CDH12: variants seen among roughly 807,000 people sequenced by gnomAD.
The protein encoded by CDH12 is cadherin-12.
A neutral mutation model predicts 74.1 loss-of-function variants in CDH12; 41 were observed. That is an observed-to-expected ratio of 0.55 (90% CI 0.43 to 0.72). The LOEUF is 0.72. CDH12 is among the 30% of genes least tolerant of loss of function. The pLI, the probability that CDH12 is intolerant of heterozygous loss-of-function variation, is 0.00. For synonymous variants in CDH12, 399 were observed against 355.0 expected (o/e 1.12, Z -1.39); for missense variants, 945 against 977.2 (o/e 0.97, Z 0.44).
intron 4 of CDH12, among the ~76,000 whole-genome samples, chr5:22,119,614 T>C (rs1745385945): frequency 6.6e-6 from 1 of 152,088 alleles, no homozygotes; most frequent in Non-Finnish European, 1.5e-5. Context: ...TAAGATGCAT[T>C]GGAAGGAAGG....
At chr5:21,851,567 A>G (rs1750470638) in intron 7 of CDH12, among the ~76,000 whole-genome samples, 1 of 151,164 alleles carries the variant, frequency 6.6e-6, no homozygotes, top group African/African-American at 2.4e-5. Flanking sequence ...TTGTAGCTAC[A>G]TTTTGAGTGT....
intron 3 of CDH12, among the ~76,000 whole-genome samples, chr5:22,390,498 T>A (rs1225938016): frequency 2.0e-5 from 3 of 152,020 alleles, no homozygotes; most frequent in African/African-American, 7.2e-5. Flanking sequence ...TATAAGCATC[T>A]CACTTCCAAA....
intron 2 of CDH12, among the ~76,000 whole-genome samples, chr5:22,410,935 A>G (rs982608595): frequency 6.6e-6 from 1 of 152,056 alleles, no homozygotes; most frequent in African/African-American, 2.4e-5. Flanking sequence ...CAAGATTATG[A>G]GAACAATGAA....
intron 8 of CDH12, among the ~76,000 whole-genome samples, chr5:21,832,064 C>T (rs1474546698): frequency 6.6e-6 from 1 of 152,010 alleles, no homozygotes; most frequent in East Asian, 1.9e-4. Context: ...TCTTTAATAT[C>T]ACTTCAATTT....
chr5:21,901,619 T>G (rs932793547), intron 6 of CDH12, among the ~76,000 whole-genome samples: 1 of 152,166 alleles, frequency 6.6e-6, no homozygotes, highest in African/African-American at 2.4e-5. Flanking sequence ...CATCACATTT[T>G]GGCAAACAAC....
At chr5:22,691,855 A>G (rs1742100811) in intron 1 of CDH12, among the ~76,000 whole-genome samples, 1 of 152,222 alleles carries the variant, frequency 6.6e-6, no homozygotes, top group Non-Finnish European at 1.5e-5. Context: ...TGATAAATAG[A>G]AGAACAGAAA....
chr5:21,816,818 A>G (rs1579758310), intron 9 of CDH12, 127 bp downstream of exon 9: 1 of 570,456 alleles, frequency 1.8e-6, no homozygotes, highest in Non-Finnish European at 2.8e-6. Context: ...CAACTCTCAC[A>G]TGGTTCAAGG....
At chr5:22,388,575 T>C (rs546862075) in intron 3 of CDH12, among the ~76,000 whole-genome samples, 3 of 152,270 alleles carry the variant, frequency 2.0e-5, no homozygotes, top group African/African-American at 4.8e-5. Context: ...TATTTTTTGA[T>C]AACAACACTT....
At chr5:22,433,401 T>A (rs1021613642) in intron 2 of CDH12, among the ~76,000 whole-genome samples, 3 of 152,136 alleles carry the variant, frequency 2.0e-5, no homozygotes, top group Non-Finnish European at 2.9e-5. Flanking sequence ...CACAATATTT[T>A]ATGTAAAATC....
At chr5:22,159,672 C>G (rs1748215804) in intron 4 of CDH12, among the ~76,000 whole-genome samples, 1 of 152,206 alleles carries the variant, frequency 6.6e-6, no homozygotes, top group Non-Finnish European at 1.5e-5. Context: ...AGCAAAAACT[C>G]ACTTCGGTTT....
chr5:22,593,506 C>T (rs114918078), intron 1 of CDH12, among the ~76,000 whole-genome samples: 1,776 of 152,210 alleles, frequency 0.012, 19 homozygotes, highest in Non-Finnish European at 0.018. Context: ...TCCAATTTTA[C>T]ATCTCAACTC....
chr5:22,089,807 C>T (rs1360397916), intron 4 of CDH12, among the ~76,000 whole-genome samples: 1 of 151,598 alleles, frequency 6.6e-6, no homozygotes, highest in Admixed American at 6.6e-5. Flanking sequence ...TCAAACAATG[C>T]CGTCTAAAAT....
chr5:22,729,200 GAC>G (rs1744309970), intron 1 of CDH12, among the ~76,000 whole-genome samples: 1 of 151,792 alleles, frequency 6.6e-6, no homozygotes, highest in Admixed American at 6.6e-5. Context: ...GTCTCATAAA[GAC>G]AAAATTAAGG....
intron 10 of CDH12, among the ~76,000 whole-genome samples, chr5:21,793,243 C>CG (rs1193933411): frequency 6.6e-6 from 1 of 151,686 alleles, no homozygotes; most frequent in African/African-American, 2.4e-5. Context: ...TACTTACTAC[C>CG]TATTTGAATT....
chr5:22,465,569 C>T (rs1005980614), intron 2 of CDH12, among the ~76,000 whole-genome samples: 17 of 152,086 alleles, frequency 1.1e-4, no homozygotes, highest in African/African-American at 2.9e-4. Context: ...TTGCTTGAGC[C>T]GAGGAGATCA....
intron 5 of CDH12, among the ~76,000 whole-genome samples, chr5:22,024,301 C>T (rs1027232473): frequency 6.6e-6 from 1 of 152,026 alleles, no homozygotes; most frequent in Non-Finnish European, 1.5e-5. Context: ...ACTGCTTATG[C>T]TTTTTTGGAT....
intron 14 of CDH12, 38 bp downstream of exon 14, chr5:21,755,553 G>T: frequency 6.3e-7 from 1 of 1,586,084 alleles, no homozygotes; most frequent in Non-Finnish European, 8.6e-7. Flanking sequence ...GGAAGAGAGA[G>T]CGAGAAAAAA....
chr5:22,513,426 C>G (rs552576047), intron 1 of CDH12, among the ~76,000 whole-genome samples: 22 of 152,160 alleles, frequency 1.4e-4, no homozygotes, highest in African/African-American at 5.3e-4. Flanking sequence ...TCTCCAGGCC[C>G]TTAGTGTCTC....
At chr5:22,377,951 A>G (rs1291070354) in intron 3 of CDH12, among the ~76,000 whole-genome samples, 1 of 152,236 alleles carries the variant, frequency 6.6e-6, no homozygotes, top group African/African-American at 2.4e-5. Flanking sequence ...GTTAATTTAT[A>G]AAGCTAATAT....
Sources: allele counts gnomAD v4.1 joint callset (sites outside exome capture counted in the v4.1 genomes callset), GRCh38; gene constraint gnomAD v4.1.1; transcripts MANE v1.5; gene names NCBI Gene and HGNC (gene_info 2026-07-23, HGNC 2026-07-21).